The following KLF12 variants were observed in gnomAD, a reference collection of about 807,000 sequenced individuals.
KLF12 encodes the protein KLF transcription factor 12.
Under a neutral mutation model 37.8 loss-of-function variants are expected in KLF12, and 9 were observed. That is an observed-to-expected ratio of 0.24 (90% confidence interval 0.14 to 0.42). KLF12 has a LOEUF of 0.42. KLF12 is among the 10% of genes least tolerant of loss of function. The pLI is 1.00. For synonymous variants in KLF12, 208 were observed against 202.1 expected, an observed-to-expected ratio of 1.03 and a Z score of -0.25; for missense variants, 411 against 516.0, an observed-to-expected ratio of 0.80 and a Z score of 1.97.
chr13:74,105,439 T>G (rs924295950), intron 1 of KLF12, among the ~76,000 whole-genome samples: 1 of 152,108 alleles, frequency 6.6e-6, no homozygotes, highest in Non-Finnish European at 1.5e-5. Context: ...ATTATCATAT[T>G]TTAAATAGTA....
intron 1 of KLF12, among the ~76,000 whole-genome samples, chr13:74,083,046 T>G (rs1010043995): frequency 6.6e-6 from 1 of 152,164 alleles, no homozygotes; most frequent in Non-Finnish European, 1.5e-5. Flanking sequence ...AAGTTTACCT[T>G]GGGTTATCTG....
At chr13:73,986,897 C>T (rs547327927) in intron 2 of KLF12, among the ~76,000 whole-genome samples, 1 of 151,946 alleles carries the variant, frequency 6.6e-6, no homozygotes, top group Admixed American at 6.6e-5. Flanking sequence ...CCCAGTGAGA[C>T]CATTGGACTT....
At chr13:74,201,979 C>T in the KLF12 span, among the ~76,000 whole-genome samples, 1 of 152,186 alleles carries the variant, frequency 6.6e-6, no homozygotes, top group South Asian at 2.1e-4. Context: ...TGCTTCTCTA[C>T]TGCAAACCAT....
chr13:74,049,721 A>C (rs1340537700), intron 1 of KLF12, among the ~76,000 whole-genome samples: 1 of 152,214 alleles, frequency 6.6e-6, no homozygotes, highest in Non-Finnish European at 1.5e-5. Context: ...CCAACATTTG[A>C]GAATGAGAGC....
At chr13:74,077,466 A>G (rs1446433959) in intron 1 of KLF12, among the ~76,000 whole-genome samples, 1 of 152,182 alleles carries the variant, frequency 6.6e-6, no homozygotes, top group Non-Finnish European at 1.5e-5. Context: ...CTTATAATTA[A>G]CAGTATAATA....
intron 2 of KLF12, among the ~76,000 whole-genome samples, chr13:73,975,249 T>C (rs1338542796): frequency 6.6e-6 from 1 of 152,212 alleles, no homozygotes; most frequent in Non-Finnish European, 1.5e-5. Flanking sequence ...TGAGGTATTG[T>C]CCAATTCTAT....
At chr13:73,745,092 T>C (rs1289906705) in intron 6 of KLF12, among the ~76,000 whole-genome samples, 1 of 152,216 alleles carries the variant, frequency 6.6e-6, no homozygotes, top group Non-Finnish European at 1.5e-5. Flanking sequence ...TTTATTCATT[T>C]ATTGTTTATA....
At chr13:73,698,144 A>G (rs1874279065) in intron 7 of KLF12, among the ~76,000 whole-genome samples, 2 of 151,304 alleles carry the variant, frequency 1.3e-5, no homozygotes, top group African/African-American at 4.9e-5. Flanking sequence ...GTGGCAGAGT[A>G]TGACCCCGAA....
At chr13:73,996,508 T>A (rs1193032240) in intron 1 of KLF12, among the ~76,000 whole-genome samples, 3 of 152,248 alleles carry the variant, frequency 2.0e-5, no homozygotes, top group Admixed American at 6.5e-5. Context: ...CTATAATTTT[T>A]TTCATTTAAT....
intron 5 of KLF12, among the ~76,000 whole-genome samples, chr13:73,786,064 C>T (rs1274226586): frequency 2.6e-5 from 4 of 152,114 alleles, no homozygotes; most frequent in African/African-American, 9.7e-5. Flanking sequence ...TAGGGAGTTG[C>T]CCTGTGCAAA....
intron 2 of KLF12, among the ~76,000 whole-genome samples, chr13:73,945,410 A>G (rs547515101): frequency 6.9e-6 from 1 of 144,342 alleles, no homozygotes; most frequent in African/African-American, 2.5e-5. Context: ...TGGAGGTTGC[A>G]GTGAGCCGAG....
rs1249391881 is a variant in KLF12, at chr13:74,067,678, TA to T, written c.-32+66060del. On this transcript the variant is annotated intron_variant, in intron 1 of 7. Transcript: ENST00000377669. The stretch of plus-strand genomic sequence containing the variant: ...CTACTTGGTAGCAATCAACAGACAG[TA>T]ACCAACCAAAGAATAGTTTTAGTTT... Among the ~76,000 whole-genome samples the T allele has an allele frequency of 5.5e-5, 8 of 144,920 alleles. No homozygotes were observed. The East Asian group carries it at 1.6e-3, about 28-fold the overall frequency.
chr13:73,795,328 C>T (rs1304133387), intron 5 of KLF12, among the ~76,000 whole-genome samples: 1 of 152,142 alleles, frequency 6.6e-6, no homozygotes, highest in African/African-American at 2.4e-5. Context: ...AATACAAACA[C>T]CCTAGGTATA....
intron 1 of KLF12, among the ~76,000 whole-genome samples, chr13:74,004,115 GA>G (rs1173364240): frequency 6.6e-6 from 1 of 152,006 alleles, no homozygotes; most frequent in African/African-American, 2.4e-5. Context: ...GTTTTTTAAA[GA>G]ATCCTTTCAG....
intron 2 of KLF12, among the ~76,000 whole-genome samples, chr13:73,990,334 G>A (rs1399496911): frequency 2.0e-5 from 3 of 152,098 alleles, no homozygotes; most frequent in Non-Finnish European, 4.4e-5. Flanking sequence ...AACAATTGAT[G>A]AAGTTCCTGA....
chr13:74,138,940 A>G, the KLF12 span, among the ~76,000 whole-genome samples: 1 of 152,158 alleles, frequency 6.6e-6, no homozygotes, highest in East Asian at 1.9e-4. Flanking sequence ...GGAATCCTCT[A>G]AAAACGATTC....
intron 3 of KLF12, among the ~76,000 whole-genome samples, chr13:73,863,777 T>C (rs985408720): frequency 1.1e-4 from 16 of 152,170 alleles, no homozygotes; most frequent in Non-Finnish European, 1.8e-4. Flanking sequence ...TATTCAGGAA[T>C]TCAAACTTTT....
rs1237857700 is a variant in KLF12, at chr13:73,687,133, CA to C, written c.*8356del. The C allele has an allele frequency of 1.3e-5, 2 of 152,594 alleles. No individual in the cohort carries two copies. Among genetic ancestry groups the C allele is most frequent in the Non-Finnish European group, 2.9e-5 (2 of 68,038 alleles). The allele number at this position is 152,594 out of a possible 1,614,324, so 9.5% of individuals were successfully genotyped here. A position where few individuals can be genotyped will look rare whatever the true frequency, so the allele number is the denominator to read the frequency against. On this transcript the variant is annotated 3_prime_UTR_variant, in exon 8 of 8. Coordinates refer to ENST00000377669, the MANE Select transcript of KLF12 (RefSeq NM_007249.5). ...AGTTCTGAGTACATTCTTCTATGGA[CA>C]AACATGAATTTGCTGGTTTCTCTTT...
chr13:74,295,039 T>C, the KLF12 span, among the ~76,000 whole-genome samples: 1 of 152,198 alleles, frequency 6.6e-6, no homozygotes, highest in African/African-American at 2.4e-5. Context: ...ACAAACTCCT[T>C]CAATTTCCTT....
Sources: gnomAD v4.1 joint callset for allele counts (sites outside exome capture counted in the v4.1 genomes callset) on GRCh38, gnomAD v4.1.1 for gene constraint, MANE v1.5 for transcripts, NCBI Gene and HGNC (gene_info 2026-07-23, HGNC 2026-07-21) for gene names.